The following DNAH9 variants were observed in gnomAD, a reference collection of about 807,000 sequenced individuals.
DNAH9 encodes dynein axonemal heavy chain 9, also known as DNAH9 variant protein.
Under a neutral mutation model 471.6 loss-of-function variants are expected in DNAH9, and 345 were observed. The ratio of observed to expected loss-of-function variants is 0.73; its 90% CI spans 0.67 to 0.80. The LOEUF (loss-of-function observed/expected upper bound fraction) is 0.80. Among genes scored for constraint, DNAH9 ranks in the 30% least tolerant of loss-of-function variants. DNAH9 has a pLI of 0.00. For synonymous variants in DNAH9, 2,093 were observed against 2,123.6 expected, an observed-to-expected ratio of 0.99 and a Z score of 0.40; for missense variants, 5,407 against 5,609.2, an observed-to-expected ratio of 0.96 and a Z score of 1.15.
At chr17:11,695,275 A>G (rs550464822) in intron 22 of DNAH9, among the ~76,000 whole-genome samples, 1 of 152,304 alleles carries the variant, frequency 6.6e-6, no homozygotes, top group East Asian at 1.9e-4. Flanking sequence ...AAGAACTGAG[A>G]AACTTTGAGG....
intron 15 of DNAH9, 30 bp from the exon 16 acceptor site, chr17:11,669,029 CTTTGT>C: frequency 6.7e-7 from 1 of 1,490,892 alleles, no homozygotes; most frequent in African/African-American, 1.4e-5. Context: ...TTTATCCACT[CTTTGT>C]TTTGTTTGCT....
chr17:11,857,403 A>G (rs1449467480), intron 50 of DNAH9, among the ~76,000 whole-genome samples: 1 of 152,142 alleles, frequency 6.6e-6, no homozygotes, highest in Non-Finnish European at 1.5e-5. Flanking sequence ...ACTCCCTGCT[A>G]ATAACACAGG....
At chr17:11,615,840 A>G (rs1275491981) in intron 4 of DNAH9, among the ~76,000 whole-genome samples, 1 of 152,166 alleles carries the variant, frequency 6.6e-6, no homozygotes, top group African/African-American at 2.4e-5. Flanking sequence ...CTCAGCACTT[A>G]CGGAAGCAAG....
At chr17:11,751,318 A>T (rs1967142220) in intron 32 of DNAH9, among the ~76,000 whole-genome samples, 1 of 152,114 alleles carries the variant, frequency 6.6e-6, no homozygotes, top group East Asian at 1.9e-4. Context: ...GAGCCAAAAA[A>T]ACCCAATGTT....
At chr17:11,788,388 C>T (rs1339537388) in intron 41 of DNAH9, among the ~76,000 whole-genome samples, 1 of 152,178 alleles carries the variant, frequency 6.6e-6, no homozygotes, top group Non-Finnish European at 1.5e-5. Context: ...ACAAAAGCCA[C>T]AAGCATACAA....
In DNAH9 at chr17:11,788,931, A is replaced by C. The variant is rs189719795; in HGVS notation, c.8061+4392A>C. ...ATTTTTCTGTGTATAGTTTGCTAAGAGTTTTAATTATGAATATGTGTTGAA... is the reference window on the plus strand; with the variant it reads ...ATTTTTCTGTGTATAGTTTGCTAAGCGTTTTAATTATGAATATGTGTTGAA... On this transcript the variant is annotated intron_variant, in intron 41 of 68. Transcript: ENST00000262442. 7.2e-5 allele frequency among the ~76,000 whole-genome samples: 11 copies of C among 152,206 alleles called. No homozygotes were observed. In the East Asian group the frequency reaches 2.1e-3, roughly 29 times the overall value.
chr17:11,888,960 G>C (rs1238300011), intron 57 of DNAH9, among the ~76,000 whole-genome samples: 7 of 152,098 alleles, frequency 4.6e-5, no homozygotes, highest in Non-Finnish European at 1.0e-4. Flanking sequence ...ATGTGTTTGT[G>C]TGTGTGTTTA....
intron 27 of DNAH9, among the ~76,000 whole-genome samples, chr17:11,721,373 T>C (rs2075056110): frequency 6.6e-6 from 1 of 152,150 alleles, no homozygotes; most frequent in African/African-American, 2.4e-5. Flanking sequence ...ACATCATAAA[T>C]AAGCATAGCC....
Position 11,869,258 on chromosome 17 carries a change from G to A in DNAH9, c.10053+5G>A. The A allele has an allele frequency of 1.2e-6, 2 of 1,612,892 alleles. No individual in the cohort carries two copies. Among genetic ancestry groups the A allele is most frequent in the Admixed American group, 1.7e-5 (1 of 59,894 alleles). ...ATCTCCCTTGCCAACCGCCTGGTGA[G>A]TGTAAGCCACAGCAGCCCGAGCTGT... On this transcript the variant is annotated splice_donor_5th_base_variant and intron_variant, in intron 51 of 68. Coordinates refer to ENST00000262442, the MANE Select transcript of DNAH9 (RefSeq NM_001372.4).
intron 32 of DNAH9, among the ~76,000 whole-genome samples, chr17:11,749,065 T>G (rs1239920824): frequency 1.3e-4 from 3 of 22,614 alleles, no homozygotes; most frequent in Admixed American, 6.3e-4. Context: ...TTTAAGAGGG[T>G]TTTTTTTTGT....
chr17:11,760,316 G>A (rs567619663), intron 35 of DNAH9, among the ~76,000 whole-genome samples: 111 of 152,222 alleles, frequency 7.3e-4, no homozygotes, highest in African/African-American at 2.3e-3. Flanking sequence ...CTAAAAGTCT[G>A]CTATTTCTCA....
At chr17:11,765,374 T>A (rs1265631874) in intron 36 of DNAH9, among the ~76,000 whole-genome samples, 1 of 152,226 alleles carries the variant, frequency 6.6e-6, no homozygotes, top group Non-Finnish European at 1.5e-5. Context: ...GTAGAAAGTT[T>A]CAGCCTCCCA....
rs1033520526 is a variant in DNAH9, at chr17:11,799,679, C to T, written c.8420+1886C>T. ...TCAGCTCACTGCAGCCTCCACCTCC[C>T]AGGTTCAAGCCATTCTGCCTCAGCC... On this transcript the variant is annotated intron_variant, in intron 43 of 68. Coordinates refer to ENST00000262442, the MANE Select transcript of DNAH9 (RefSeq NM_001372.4). Among the ~76,000 whole-genome samples the T allele has an allele frequency of 3.5e-4, 38 of 109,896 alleles. 1 individual carries two copies. Among genetic ancestry groups the T allele is most frequent in the Non-Finnish European group, 9.8e-5 (5 of 51,100 alleles). 72.1% of individuals were successfully genotyped at this position (109,896 alleles called of 152,430 possible).
intron 9 of DNAH9, among the ~76,000 whole-genome samples, chr17:11,639,513 G>A (rs2073227201): frequency 6.6e-6 from 1 of 152,162 alleles, no homozygotes; most frequent in Non-Finnish European, 1.5e-5. Context: ...CTCGAGTCCA[G>A]GGCTCCATAA....
At position 11,939,427 on chromosome 17, in the gene DNAH9, C is replaced by G. The variant is rs1001229430; in HGVS notation, c.12660+1905C>G. Reference sequence around the variant, plus strand: ...GGGGTGTGTATGTGCTTGTGTATTTCAGAAATGATATGAACTGTGATCACT... The same window carrying G: ...GGGGTGTGTATGTGCTTGTGTATTTGAGAAATGATATGAACTGTGATCACT... On this transcript the variant is annotated intron_variant, in intron 66 of 68. Coordinates refer to ENST00000262442, the MANE Select transcript of DNAH9 (RefSeq NM_001372.4). 3.9e-5 allele frequency among the ~76,000 whole-genome samples: 6 copies of G among 152,200 alleles called. No individual in the cohort carries two copies. The East Asian group carries it at 1.2e-3, about 29-fold the overall frequency.
Position 11,871,933 on chromosome 17 carries a change from G to A in DNAH9, c.10242+147G>A, listed in dbSNP as rs1431872235. ...CACCAGGTGTGAAACCTGCGTACCC[G>A]TGTCCTTCCACACTGCCTTGCATTG... On this transcript the variant is annotated intron_variant, in intron 52 of 68. Transcript: ENST00000262442. 8.2e-6 allele frequency: 7 copies of A among 853,208 alleles called. No individual in the cohort carries two copies. In the East Asian group the frequency reaches 1.1e-4, roughly 13 times the overall value. 52.9% of individuals were successfully genotyped at this position (853,208 alleles called of 1,614,324 possible). A position where few individuals can be genotyped will look rare whatever the true frequency, so the allele number is the denominator to read the frequency against.
intron 59 of DNAH9, among the ~76,000 whole-genome samples, chr17:11,897,730 G>A (rs1973264228): frequency 6.6e-6 from 1 of 152,180 alleles, no homozygotes; most frequent in Non-Finnish European, 1.5e-5. Context: ...TTCCTCATCT[G>A]CAAAATGGTC....
chr17:11,704,520 G>A lies in DNAH9; in HGVS notation c.5391+78G>A, dbSNP rs1203005842. On this transcript the variant is annotated intron_variant, in intron 25 of 68. Coordinates refer to ENST00000262442, the MANE Select transcript of DNAH9 (RefSeq NM_001372.4). Reference sequence around the variant, plus strand: ...ACAGCACATACAGCCAAAATATGGGGGCCCCAGGGTCTGTACAGCACTGAC... The same window carrying A: ...ACAGCACATACAGCCAAAATATGGGAGCCCCAGGGTCTGTACAGCACTGAC... 6 of 1,523,474 alleles carry A rather than the reference G, an allele frequency of 3.9e-6. No homozygotes were observed. The East Asian group carries it at 1.1e-4, about 29-fold the overall frequency. 94.4% of individuals were successfully genotyped at this position (1,523,474 alleles called of 1,614,324 possible).
At chr17:11,945,781 G>A (rs935884093) in intron 67 of DNAH9, among the ~76,000 whole-genome samples, 5 of 152,140 alleles carry the variant, frequency 3.3e-5, no homozygotes, top group South Asian at 2.1e-4. Context: ...ACTTGTGGCC[G>A]GGCGCAGTGG....
Sources: gnomAD v4.1 joint callset for allele counts (sites outside exome capture counted in the v4.1 genomes callset) on GRCh38, gnomAD v4.1.1 for gene constraint, MANE v1.5 for transcripts, NCBI Gene and HGNC (gene_info 2026-07-23, HGNC 2026-07-21) for gene names.